Variants in ACAD11 observed in about 807,000 individuals in gnomAD.
ACAD11 encodes acyl-Coenzyme A dehydrogenase family, member 11.
ACAD11 carries 83 observed loss-of-function variants against 102.2 expected under a neutral mutation model. That is an observed-to-expected ratio of 0.81 (90% CI 0.68 to 0.97). ACAD11 has a LOEUF of 0.97. Among genes scored for constraint, ACAD11 ranks in the 50% least tolerant of loss-of-function variants. The probability of loss-of-function intolerance (pLI) is 0.00; values close to 1 mark genes in which losing one functional copy is unlikely to be tolerated. For synonymous variants in ACAD11, 324 were observed against 319.8 expected, an observed-to-expected ratio of 1.01 and a Z score of -0.14; for missense variants, 901 against 951.7, an observed-to-expected ratio of 0.95 and a Z score of 0.70.
chr3:132,656,844 GTGT>G (rs1937834494), intron 1 of ACAD11, among the ~76,000 whole-genome samples: 1 of 144,620 alleles, frequency 6.9e-6, no homozygotes, highest in Non-Finnish European at 1.5e-5. Flanking sequence ...GTTTCTCATT[GTGT>G]TGTTTTTTTT....
intron 5 of ACAD11, 125 bp downstream of exon 5, chr3:132,639,367 C>T (rs1940391656): frequency 1.1e-6 from 1 of 877,058 alleles, no homozygotes. Flanking sequence ...GTGGTGACGA[C>T]AGTCCTGAGC....
At chr3:132,598,670 G>T (rs749443346) in intron 13 of ACAD11, among the ~76,000 whole-genome samples, 5 of 152,204 alleles carry the variant, frequency 3.3e-5, no homozygotes, top group Non-Finnish European at 7.3e-5. Context: ...GCAGGAAATT[G>T]TATGGTAGAT....
intron 5 of ACAD11, among the ~76,000 whole-genome samples, chr3:132,635,066 A>G (rs989597510): frequency 6.6e-6 from 1 of 150,946 alleles, no homozygotes; most frequent in Non-Finnish European, 1.5e-5. Context: ...AAAAATAAAT[A>G]TATATAAAAT....
In ACAD11 at chr3:132,577,008, A is replaced by G. The variant is rs1384960502; in HGVS notation, c.1782T>C (p.Phe594=). ...PLSVFGYTDN[F]HGGHFEIHFN... is the part of the protein sequence containing the mutation. ...AATGGATCTCAAAATGTCCTCCATG[A>G]AAATTATCTATAAAATAGAAAATAA... Residue 594 remains phenylalanine, a synonymous_variant, in exon 16 of 20, where the codon TTT becomes TTC. Transcript: ENST00000264990. 1 of 1,599,484 alleles carries G rather than the reference A, an allele frequency of 6.3e-7. No homozygotes were observed. Among genetic ancestry groups the G allele is most frequent in the Admixed American group, 1.7e-5 (1 of 59,702 alleles).
intron 5 of ACAD11, among the ~76,000 whole-genome samples, chr3:132,638,845 A>G (rs1174681384): frequency 6.6e-6 from 1 of 152,214 alleles, no homozygotes; most frequent in Admixed American, 6.5e-5. Flanking sequence ...GCCCTAAAAC[A>G]TCTTAGCATT....
At chr3:132,651,327 A>G (rs1480891326) in intron 1 of ACAD11, among the ~76,000 whole-genome samples, 2 of 152,058 alleles carry the variant, frequency 1.3e-5, no homozygotes, top group Admixed American at 1.3e-4. Context: ...ATAATTCACT[A>G]TTACTCTCAT....
intron 17 of ACAD11, among the ~76,000 whole-genome samples, chr3:132,567,763 T>C (rs1002501931): frequency 1.3e-5 from 2 of 152,168 alleles, no homozygotes; most frequent in African/African-American, 4.8e-5. Flanking sequence ...ACAAAAATGC[T>C]ATAGCTAACA....
At chr3:132,618,381 T>C in intron 11 of ACAD11, 1 of 420,318 alleles carries the variant, frequency 2.4e-6, no homozygotes, top group South Asian at 6.3e-5. Context: ...CCATGATCCT[T>C]ACACGACCAA....
intron 4 of ACAD11, among the ~76,000 whole-genome samples, chr3:132,641,668 A>AGAAGAGGAGGAAGAAGAG (rs1559973967): frequency 2.1e-5 from 3 of 139,994 alleles, no homozygotes; most frequent in Non-Finnish European, 4.6e-5. Context: ...AAGAGGAGGA[A>AGAAGAGGAGGAAGAAGAG]GAAGAGGAAG....
At chr3:132,596,311 T>C (rs781628551) in intron 13 of ACAD11, among the ~76,000 whole-genome samples, 2 of 151,932 alleles carry the variant, frequency 1.3e-5, no homozygotes, top group African/African-American at 2.4e-5. Flanking sequence ...TCAGGAAAAA[T>C]AACTAATGGG....
At chr3:132,587,963 A>G (rs1387600666) in intron 13 of ACAD11, among the ~76,000 whole-genome samples, 3 of 152,054 alleles carry the variant, frequency 2.0e-5, no homozygotes, top group South Asian at 4.1e-4. Context: ...AGGAATACCC[A>G]CCTCATTTCC....
chr3:132,567,519 T>G (rs538621574), intron 17 of ACAD11, among the ~76,000 whole-genome samples: 6 of 151,948 alleles, frequency 3.9e-5, no homozygotes, highest in Non-Finnish European at 7.4e-5. Flanking sequence ...CTAAAAATGT[T>G]AAATTAACCC....
chr3:132,567,351 A>C (rs1381685670), intron 17 of ACAD11, among the ~76,000 whole-genome samples: 1 of 152,188 alleles, frequency 6.6e-6, no homozygotes, highest in Admixed American at 6.5e-5. Context: ...CTTGACTCAA[A>C]CTGGTAAAAT....
At chr3:132,640,885 C>T (rs1002854741) in intron 4 of ACAD11, among the ~76,000 whole-genome samples, 1 of 151,956 alleles carries the variant, frequency 6.6e-6, no homozygotes, top group Non-Finnish European at 1.5e-5. Flanking sequence ...GAAAGCAGCC[C>T]CATATATATC....
At chr3:132,638,015 A>G (rs1940338779) in intron 5 of ACAD11, among the ~76,000 whole-genome samples, 1 of 152,192 alleles carries the variant, frequency 6.6e-6, no homozygotes, top group South Asian at 2.1e-4. Context: ...TTTCGTACAT[A>G]TTATGAAGCA....
At chr3:132,650,796 T>G (rs966667429) in intron 1 of ACAD11, among the ~76,000 whole-genome samples, 4 of 152,200 alleles carry the variant, frequency 2.6e-5, no homozygotes, top group Non-Finnish European at 5.9e-5. Flanking sequence ...CCACCGGAAC[T>G]GGTTTCATTG....
intron 11 of ACAD11, among the ~76,000 whole-genome samples, chr3:132,608,153 C>T (rs1416415239): frequency 6.6e-6 from 1 of 152,202 alleles, no homozygotes; most frequent in Admixed American, 6.5e-5. Flanking sequence ...AAAACTGGTA[C>T]TAGCCACTGC....
chr3:132,641,720 GA>G (rs1265426525), intron 4 of ACAD11, among the ~76,000 whole-genome samples: 1 of 150,512 alleles, frequency 6.6e-6, no homozygotes, highest in Non-Finnish European at 1.5e-5. Context: ...AGAAGAAGAA[GA>G]AGAAGAAGAA....
chr3:132,591,379 T>G (rs924201822), intron 13 of ACAD11, among the ~76,000 whole-genome samples: 3 of 152,078 alleles, frequency 2.0e-5, no homozygotes, highest in Admixed American at 1.3e-4. Context: ...TTTTCAGAGA[T>G]ATTTTTCTTT....
Sources: gnomAD v4.1 joint callset for allele counts (sites outside exome capture counted in the v4.1 genomes callset) on GRCh38, gnomAD v4.1.1 for gene constraint, MANE v1.5 for transcripts, NCBI Gene and HGNC (gene_info 2026-07-23, HGNC 2026-07-21) for gene names.